The following TOM1L1 variants were observed in gnomAD, a reference collection of about 807,000 sequenced individuals.
TOM1L1 encodes the protein target of myb1 like 1 membrane trafficking protein.
Under a neutral mutation model 63.4 loss-of-function variants are expected in TOM1L1, and 64 were observed. The observed-to-expected ratio is 1.01, with a 90% CI of 0.83 to 1.24. The LOEUF (loss-of-function observed/expected upper bound fraction) is 1.24. TOM1L1 is among the 50% of genes most tolerant of loss of function. The probability of loss-of-function intolerance (pLI) is 0.00; values close to 1 mark genes in which losing one functional copy is unlikely to be tolerated. For missense variants in TOM1L1, 536 were observed against 567.0 expected (o/e 0.95, Z 0.55); for synonymous variants, 166 against 194.4 (o/e 0.85, Z 1.22).
intron 12 of TOM1L1, among the ~76,000 whole-genome samples, chr17:54,947,666 G>A (rs1459092235): frequency 6.6e-6 from 1 of 152,132 alleles, no homozygotes; most frequent in Non-Finnish European, 1.5e-5. Context: ...TTGCACACAT[G>A]GCTTTCAGAC....
chr17:54,921,024 C>T (rs942582840), intron 7 of TOM1L1, among the ~76,000 whole-genome samples: 2 of 152,028 alleles, frequency 1.3e-5, no homozygotes, highest in Non-Finnish European at 2.9e-5. Context: ...TTTCATAGGG[C>T]GTAGTCATGC....
intron 8 of TOM1L1, 51 bp from the exon 9 acceptor site, chr17:54,936,598 G>A (rs1453791850): frequency 6.9e-7 from 1 of 1,453,902 alleles, no homozygotes; most frequent in Non-Finnish European, 9.4e-7. Flanking sequence ...GATTTTTATA[G>A]CATTTTCATA....
chr17:54,907,596 C>T (rs2048432715), intron 3 of TOM1L1, among the ~76,000 whole-genome samples: 1 of 152,040 alleles, frequency 6.6e-6, no homozygotes, highest in Non-Finnish European at 1.5e-5. Flanking sequence ...GATTAAGCAC[C>T]CCACCCTCAT....
chr17:54,901,703 G>A (rs1378554788), intron 1 of TOM1L1, among the ~76,000 whole-genome samples: 1 of 152,138 alleles, frequency 6.6e-6, no homozygotes, highest in South Asian at 2.1e-4. Context: ...GTGTGATGAT[G>A]TCAGGAACTT....
At chr17:54,909,092 C>G (rs1157365775) in intron 3 of TOM1L1, among the ~76,000 whole-genome samples, 1 of 152,072 alleles carries the variant, frequency 6.6e-6, no homozygotes, top group Non-Finnish European at 1.5e-5. Context: ...TACCCTGTCT[C>G]TACTGAAAAT....
At chr17:54,930,561 C>T (rs944457412) in intron 8 of TOM1L1, among the ~76,000 whole-genome samples, 3 of 152,016 alleles carry the variant, frequency 2.0e-5, no homozygotes, top group African/African-American at 4.8e-5. Context: ...AAAATAAGGC[C>T]GGACACGGTG....
chr17:54,906,476 C>CAAAA (rs57524831), intron 3 of TOM1L1, among the ~76,000 whole-genome samples: 7 of 93,898 alleles, frequency 7.5e-5, no homozygotes, highest in African/African-American at 2.8e-4. Context: ...GACTCCTTCT[C>CAAAA]AAAAAAAAAA....
intron 7 of TOM1L1, chr17:54,917,563 T>C (rs2048611491): frequency 6.6e-6 from 1 of 152,234 alleles, no homozygotes. Context: ...TCTGCTTTTC[T>C]TTATCTTTCC....
intron 3 of TOM1L1, among the ~76,000 whole-genome samples, chr17:54,906,183 T>G (rs763588422): frequency 6.6e-6 from 1 of 152,000 alleles, no homozygotes; most frequent in African/African-American, 2.4e-5. Flanking sequence ...AAAAAAAAGT[T>G]TGTGGCTGGG....
intron 1 of TOM1L1, chr17:54,901,187 C>A (rs2048321476): frequency 1.8e-6 from 1 of 553,998 alleles, no homozygotes. Flanking sequence ...AACAGGTGAA[C>A]CGCGGGAGTC....
rs1345738751 is a variant in TOM1L1 at position 54,937,190 on chromosome 17, G to T, written c.997G>T (p.Glu333Ter). 1 of 1,613,768 alleles carries T rather than the reference G, an allele frequency of 6.2e-7. No homozygotes were observed. ...SPRMPRATLG[E>*]LNTMNNQLSG... ...CCGGATGCCTAGGGCCACTCTGGGA[G>T]AACTCAACACCATGAATAATCAACT... Residue 333 changes from glutamate to a stop codon, truncating the protein, a stop_gained, in exon 10 of 16, where the codon GAA (glutamate) becomes TAA (stop). Transcript: ENST00000575882. LOFTEE classifies it high-confidence loss of function.
chr17:54,902,470 A>T (rs1252640790), intron 1 of TOM1L1, among the ~76,000 whole-genome samples: 2 of 152,042 alleles, frequency 1.3e-5, no homozygotes, highest in Non-Finnish European at 2.9e-5. Context: ...TTGTATTTTT[A>T]GTAGAGATGG....
intron 2 of TOM1L1, among the ~76,000 whole-genome samples, chr17:54,904,369 CAAAAAA>C (rs1165559722): frequency 1.3e-5 from 1 of 78,180 alleles, no homozygotes; most frequent in African/African-American, 4.2e-5. Context: ...GACTCTATCT[CAAAAAA>C]AAAAAAAAAA....
At position 54,935,737 on chromosome 17, in the gene TOM1L1, G is replaced by A. The variant is rs147977199; in HGVS notation, c.855-912G>A. ...GCCTTCAACTTCTCTGGTCTTTTAC[G>A]TTTATGCTCCTTTACTCTCAGTGGA... On this transcript the variant is annotated intron_variant, in intron 8 of 15. Coordinates refer to ENST00000575882, the MANE Select transcript of TOM1L1 (RefSeq NM_005486.3). Among the ~76,000 whole-genome samples, 24 of 152,156 alleles carry A rather than the reference G, an allele frequency of 1.6e-4. No individual in the cohort carries two copies. In the East Asian group the frequency reaches 4.1e-3, roughly 26 times the overall value.
intron 3 of TOM1L1, among the ~76,000 whole-genome samples, chr17:54,910,180 G>C (rs968795336): frequency 2.6e-5 from 4 of 152,212 alleles, no homozygotes; most frequent in Non-Finnish European, 4.4e-5. Flanking sequence ...TGAGGGCCAG[G>C]TGCAGTGGTT....
chr17:54,923,334 A>G (rs1023307930), intron 7 of TOM1L1, among the ~76,000 whole-genome samples: 1 of 152,066 alleles, frequency 6.6e-6, no homozygotes, highest in Non-Finnish European at 1.5e-5. Flanking sequence ...GCACCATTGT[A>G]TATTCTGTTA....
At chr17:54,947,088 T>C (rs2049132060) in intron 11 of TOM1L1, among the ~76,000 whole-genome samples, 173 bp from the exon 12 acceptor site, 1 of 152,238 alleles carries the variant, frequency 6.6e-6, no homozygotes, top group Non-Finnish European at 1.5e-5. Context: ...CATGGCATCA[T>C]AACCTGATGT....
chr17:54,915,831 C>T lies in TOM1L1; in HGVS notation c.689C>T (p.Ser230Phe). Residue 230 changes from serine to phenylalanine, a missense_variant, in exon 7 of 16, where the codon TCT becomes TTT. Coordinates refer to ENST00000575882, the MANE Select transcript of TOM1L1 (RefSeq NM_005486.3). ...ATATTGATGGAGAATACTCCTGGGT[C>T]TGAAAACCATGAAGACATAGAGCTT... ...SAILMENTPG[S>F]ENHEDIELLQ... is the part of the protein sequence containing the mutation. The T allele has an allele frequency of 6.2e-7, 1 of 1,613,754 alleles. No homozygotes were observed. Among genetic ancestry groups the T allele is most frequent in the Non-Finnish European group, 8.5e-7 (1 of 1,179,814 alleles).
chr17:54,933,421 A>G (rs969949868), intron 8 of TOM1L1, among the ~76,000 whole-genome samples: 1 of 152,230 alleles, frequency 6.6e-6, no homozygotes, highest in Non-Finnish European at 1.5e-5. Context: ...GTCTCAATGA[A>G]TTTAGAAAGT....
Sources: allele counts gnomAD v4.1 joint callset (sites outside exome capture counted in the v4.1 genomes callset), GRCh38; gene constraint gnomAD v4.1.1; transcripts MANE v1.5; gene names NCBI Gene and HGNC (gene_info 2026-07-23, HGNC 2026-07-21).